Variants in CAPG observed in about 807,000 individuals in gnomAD.
CAPG encodes macrophage-capping protein.
A neutral mutation model predicts 44.6 loss-of-function variants in CAPG; 32 were observed. The observed-to-expected ratio is 0.72, with a 90% confidence interval of 0.54 to 0.96. The LOEUF is 0.96. CAPG is among the 50% of genes least tolerant of loss of function. The pLI, the probability that CAPG is intolerant of heterozygous loss-of-function variation, is 0.00. For synonymous variants in CAPG, 175 were observed against 179.6 expected (o/e 0.97, Z 0.20); for missense variants, 412 against 438.3 (o/e 0.94, Z 0.54).
chr2:85,409,925 CA>C, intron 1 of CAPG: 1 of 152,498 alleles, frequency 6.6e-6, no homozygotes, highest in Admixed American at 6.5e-5. Flanking sequence ...GTCTTGGGGA[CA>C]GGCAGCTTCT....
intron 7 of CAPG, among the ~76,000 whole-genome samples, 183 bp downstream of exon 7, chr2:85,398,507 T>C (rs1169409056): frequency 6.6e-6 from 1 of 152,204 alleles, no homozygotes; most frequent in Non-Finnish European, 1.5e-5. Flanking sequence ...CAGGAGGGCC[T>C]GCCTTCCGCC....
intron 1 of CAPG, among the ~76,000 whole-genome samples, chr2:85,405,049 C>T (rs1007910688): frequency 1.3e-5 from 2 of 151,896 alleles, no homozygotes; most frequent in Non-Finnish European, 2.9e-5. Flanking sequence ...AACCCTTCAC[C>T]TAACATTATA....
chr2:85,399,356 G>A (rs34063934), intron 5 of CAPG, 71 bp from the exon 6 acceptor site: 42 of 1,501,250 alleles, frequency 2.8e-5, no homozygotes, highest in African/African-American at 1.1e-4. Context: ...AGAGAAGGGC[G>A]CACAGCTCTC....
At chr2:85,392,059 T>C (rs1266493942), downstream of CAPG, among the ~76,000 whole-genome samples, 1 of 152,260 alleles carries the variant, frequency 6.6e-6, no homozygotes, top group Non-Finnish European at 1.5e-5. Flanking sequence ...TTCCTGCATT[T>C]GCTTCTGGCG....
chr2:85,399,597 C>T (rs764068581), intron 5 of CAPG, among the ~76,000 whole-genome samples: 1 of 152,150 alleles, frequency 6.6e-6, no homozygotes, highest in South Asian at 2.1e-4. Context: ...CTCAAGCAAT[C>T]GTTGCACCTT....
At position 85,395,803 on chromosome 2, in the gene CAPG, G is replaced by T. The variant is rs139743093; in HGVS notation, c.893-177C>A. On this transcript the variant is annotated intron_variant, in intron 8 of 9. Coordinates refer to ENST00000263867, the MANE Select transcript of CAPG (RefSeq NM_001747.4). This position sits in a 1 kb window ranked among gnomAD's most constrained non-coding sequence, Gnocchi z 4.3. ...TGGAGATGTGGAGTCAGTCCCTTAA[G>T]AATTTTCCCAAACCGGCAGCACCAA... Among the ~76,000 whole-genome samples, 237 of 152,278 alleles carry T rather than the reference G, an allele frequency of 1.6e-3. 3 individuals are homozygous for T. The East Asian group carries it at 0.043, about 28-fold the overall frequency.
chr2:85,414,833 G>T (rs1464319674), upstream of CAPG, among the ~76,000 whole-genome samples: 1 of 152,164 alleles, frequency 6.6e-6, no homozygotes, highest in Non-Finnish European at 1.5e-5. Context: ...GCACCAGGAG[G>T]CCAGGCCTTC....
chr2:85,412,686 C>G (rs1291809379), upstream of CAPG, among the ~76,000 whole-genome samples: 1 of 151,952 alleles, frequency 6.6e-6, no homozygotes, highest in Non-Finnish European at 1.5e-5. Context: ...GCACATGTAC[C>G]CCTGAACTTA....
intron 1 of CAPG, among the ~76,000 whole-genome samples, chr2:85,403,809 C>A (rs868839351): frequency 6.7e-6 from 1 of 148,854 alleles, no homozygotes; most frequent in Non-Finnish European, 1.5e-5. Context: ...ATTGCTTGAA[C>A]CCAAGAGGCA....
intron 1 of CAPG, among the ~76,000 whole-genome samples, chr2:85,404,021 G>A (rs1687030158): frequency 6.6e-6 from 1 of 151,944 alleles, no homozygotes; most frequent in African/African-American, 2.4e-5. Flanking sequence ...GAAAATCAGG[G>A]TGATGATAGC....
intron 8 of CAPG, 97 bp downstream of exon 8, chr2:85,397,921 CTT>C: frequency 3.2e-6 from 4 of 1,255,032 alleles, no homozygotes; most frequent in Non-Finnish European, 4.5e-6. Context: ...CTGAGGCTGT[CTT>C]TTACAAGCAG....
rs78035373 is a variant in CAPG, at chr2:85,410,200, C to T, written c.-14+117G>A. On this transcript the variant is annotated intron_variant, in intron 1 of 9. Transcript: ENST00000263867. ...TATCCAGAAATGTGGGTCTCTGTTC[C>T]CAGGCCACCACAGCCAGCCCTCGCC... The T allele has an allele frequency of 2.9e-4, 45 of 152,696 alleles. 1 individual carries two copies. In the East Asian group the frequency reaches 8.7e-3, roughly 29 times the overall value. 9.5% of individuals were successfully genotyped at this position (152,696 alleles called of 1,614,324 possible).
At position 85,395,748 on chromosome 2, in the gene CAPG, C is replaced by CCCTGGTCCATTT; in HGVS notation, c.893-123_893-122insAAATGGACCAGG. 1 of 671,036 alleles carries CCCTGGTCCATTT rather than the reference C, an allele frequency of 1.5e-6. No homozygotes were observed. The highest frequency in any genetic ancestry group is 2.6e-6 in the Non-Finnish European group (1 of 382,406). 41.6% of individuals were successfully genotyped at this position (671,036 alleles called of 1,614,324 possible). On this transcript the variant is annotated intron_variant, in intron 8 of 9. Transcript: ENST00000263867. The surrounding 1 kb of genome is among the most constrained non-coding windows in gnomAD (Gnocchi z 4.3). ...CCAGCAATTTTTACAATAAATGGAC[C>CCCTGGTCCATTT]AGGGGTCCCAAGAATGCCGAGGGGC...
chr2:85,416,352 T>A (rs1469637485), intron 1 of CAPG, among the ~76,000 whole-genome samples: 1 of 152,164 alleles, frequency 6.6e-6, no homozygotes, highest in Non-Finnish European at 1.5e-5. Flanking sequence ...GTTTCCCATC[T>A]GTGAATGAAA....
downstream of CAPG, among the ~76,000 whole-genome samples, chr2:85,394,477 C>A (rs1686492738): frequency 6.6e-6 from 1 of 152,258 alleles, no homozygotes; most frequent in South Asian, 2.1e-4. Flanking sequence ...AATGGAACTG[C>A]ATCCCAAGCC....
At chr2:85,406,916 T>A (rs1687186500) in intron 1 of CAPG, among the ~76,000 whole-genome samples, 1 of 151,426 alleles carries the variant, frequency 6.6e-6, no homozygotes, top group Non-Finnish European at 1.5e-5. Context: ...ACCCTTGATG[T>A]TTCCTCTTAG....
At chr2:85,406,570 T>C (rs951480858) in intron 1 of CAPG, among the ~76,000 whole-genome samples, 1 of 152,098 alleles carries the variant, frequency 6.6e-6, no homozygotes, top group African/African-American at 2.4e-5. Flanking sequence ...GCAAGAATCC[T>C]GTTAGGGGCC....
At chr2:85,393,713 C>A (rs565610220), downstream of CAPG, among the ~76,000 whole-genome samples, 86 of 152,164 alleles carry the variant, frequency 5.7e-4, no homozygotes, top group African/African-American at 2.0e-3. Flanking sequence ...TACAGGCATG[C>A]GCAACCATGC....
At chr2:85,412,171 G>GTAGC (rs1175446254), upstream of CAPG, among the ~76,000 whole-genome samples, 1 of 152,160 alleles carries the variant, frequency 6.6e-6, no homozygotes, top group African/African-American at 2.4e-5. Flanking sequence ...AACATGGCCT[G>GTAGC]TAGCTAGCAT....
Sources: gnomAD v4.1 joint callset for allele counts (sites outside exome capture counted in the v4.1 genomes callset) on GRCh38, gnomAD v4.1.1 for gene constraint, Gnocchi (gnomAD v3.1) non-coding constraint, MANE v1.5 for transcripts, NCBI Gene and HGNC (gene_info 2026-07-23, HGNC 2026-07-21) for gene names.